The following HSPA4 variants were observed in gnomAD, a reference collection of about 807,000 sequenced individuals.
The protein encoded by HSPA4 is heat shock protein family A (Hsp70) member 4.
In HSPA4, 25 loss-of-function variants were observed where a neutral mutation model predicts 106.2. That is an observed-to-expected ratio of 0.24 (90% CI 0.17 to 0.33). The LOEUF (loss-of-function observed/expected upper bound fraction) is 0.33, where lower values mean the gene tolerates loss of function less well. HSPA4 is among the 10% of genes least tolerant of loss of function. The pLI is 1.00. For missense variants in HSPA4, 841 were observed against 996.0 expected (o/e 0.84, Z 2.10); for synonymous variants, 332 against 333.6 (o/e 1.00, Z 0.05).
At chr5:133,093,954 G>A (rs148603326) in intron 13 of HSPA4, among the ~76,000 whole-genome samples, 567 of 152,210 alleles carry the variant, frequency 3.7e-3, no homozygotes, top group Middle Eastern at 6.8e-3. Context: ...TTATCCCAGT[G>A]GGGTGGTACA....
chr5:133,060,931 TATTTA>T (rs1457428081), intron 1 of HSPA4, among the ~76,000 whole-genome samples: 1 of 151,582 alleles, frequency 6.6e-6, no homozygotes, highest in East Asian at 1.9e-4. Context: ...TTTTAAATTT[TATTTA>T]ATTTTAAATA....
intron 1 of HSPA4, among the ~76,000 whole-genome samples, chr5:133,056,888 C>CT (rs796180332): frequency 3.8e-4 from 58 of 150,976 alleles, no homozygotes; most frequent in East Asian, 1.7e-3. Flanking sequence ...TAACTTATAC[C>CT]TTTTTTTTTG....
rs2126714932 is a variant in HSPA4, at chr5:133,096,213, TAGAC to T, written c.1770_1773del (p.Asp590GlufsTer14). 2 of 1,613,962 alleles carry T rather than the reference TAGAC, an allele frequency of 1.2e-6. No homozygotes were observed. Among genetic ancestry groups the T allele is most frequent in the Non-Finnish European group, 1.7e-6 (2 of 1,179,884 alleles). On this transcript the variant is annotated frameshift_variant, in exon 14 of 19. Transcript: ENST00000304858. LOFTEE classifies it high-confidence loss of function. ...ATCGAGAATCAGCTATTATGGCAGA[TAGAC>T]AGAGAGATGCTCAACTTGTACATTG...
chr5:133,067,987 G>T (rs1035056760), intron 3 of HSPA4, among the ~76,000 whole-genome samples: 1 of 151,626 alleles, frequency 6.6e-6, no homozygotes, highest in Non-Finnish European at 1.5e-5. Context: ...CTGCCTCCTG[G>T]GTTCCAGCGA....
At chr5:133,063,540 C>T (rs992626321) in intron 1 of HSPA4, among the ~76,000 whole-genome samples, 3 of 151,842 alleles carry the variant, frequency 2.0e-5, no homozygotes, top group South Asian at 2.1e-4. Flanking sequence ...AAGTGATTCT[C>T]CTGCCTCAGC....
chr5:133,092,340 C>T (rs897596054), intron 12 of HSPA4, among the ~76,000 whole-genome samples: 2 of 152,134 alleles, frequency 1.3e-5, no homozygotes, highest in East Asian at 1.9e-4. Context: ...AGAGAAAATA[C>T]CTTTGAGGAA....
Position 133,076,806 on chromosome 5 carries a change from A to G in HSPA4, c.816A>G (p.Lys272=). The G allele has an allele frequency of 6.2e-7, 1 of 1,613,874 alleles. No individual in the cohort carries two copies. Among genetic ancestry groups the G allele is most frequent in the Non-Finnish European group, 8.5e-7 (1 of 1,179,816 alleles). ...ALLRLSQECE[K]LKKLMSANAS... is the part of the protein sequence containing the mutation. ...TACGACTCTCTCAGGAGTGTGAGAAACTCAAGAAATTGATGAGTGCAAATG... is the reference window on the plus strand; with the variant it reads ...TACGACTCTCTCAGGAGTGTGAGAAGCTCAAGAAATTGATGAGTGCAAATG... The change falls in exon 7 of 19, where the codon AAA becomes AAG. Residue 272 remains lysine, a synonymous_variant. Coordinates refer to ENST00000304858, the MANE Select transcript of HSPA4 (RefSeq NM_002154.4).
chr5:133,064,815 G>A (rs1447048953), intron 1 of HSPA4, among the ~76,000 whole-genome samples, 165 bp from the exon 2 acceptor site: 1 of 152,042 alleles, frequency 6.6e-6, no homozygotes, highest in Non-Finnish European at 1.5e-5. Context: ...GTTGTAAGAG[G>A]CAACCTGTTC....
At chr5:133,059,096 C>T (rs1765203552) in intron 1 of HSPA4, among the ~76,000 whole-genome samples, 1 of 150,388 alleles carries the variant, frequency 6.6e-6, no homozygotes, top group Admixed American at 6.6e-5. Context: ...CCACTGCACT[C>T]CAGCCTGGGT....
chr5:133,064,977 T>C lies in HSPA4; in HGVS notation c.108-3T>C. 6.2e-7 allele frequency: 1 copy of C among 1,613,538 alleles called. No homozygotes were observed. ...ATTCTTAAGTGCTTTTTTTGTCTTCTAGGGCTTGCATTTCTTTTGGTCCTA... is the reference window on the plus strand; with the variant it reads ...ATTCTTAAGTGCTTTTTTTGTCTTCCAGGGCTTGCATTTCTTTTGGTCCTA... On this transcript the variant is annotated splice_region_variant and splice_polypyrimidine_tract_variant and intron_variant, in intron 1 of 18. Coordinates refer to ENST00000304858, the MANE Select transcript of HSPA4 (RefSeq NM_002154.4).
intron 1 of HSPA4, among the ~76,000 whole-genome samples, chr5:133,060,083 A>C (rs1187294556): frequency 1.0e-5 from 1 of 99,698 alleles, no homozygotes. Flanking sequence ...TTTTTTTAGG[A>C]CTTACTAGAT....
chr5:133,068,402 G>A (rs1450363108), intron 3 of HSPA4, among the ~76,000 whole-genome samples: 1 of 151,560 alleles, frequency 6.6e-6, no homozygotes, highest in African/African-American at 2.4e-5. Context: ...TGCCTTTCTT[G>A]CACTCAGAGG....
intron 12 of HSPA4, among the ~76,000 whole-genome samples, chr5:133,091,774 C>A (rs981515389): frequency 6.6e-6 from 1 of 152,156 alleles, no homozygotes; most frequent in South Asian, 2.1e-4. Flanking sequence ...ACCTATGATT[C>A]CAGCACTTTG....
At chr5:133,070,763 G>A (rs1374531325) in intron 4 of HSPA4, among the ~76,000 whole-genome samples, 19 of 151,954 alleles carry the variant, frequency 1.3e-4, no homozygotes, top group Admixed American at 7.2e-4. Context: ...TTAGTTGGGC[G>A]TGGTGATGGG....
At chr5:133,071,975 T>C (rs144499470) in intron 4 of HSPA4, among the ~76,000 whole-genome samples, 1 of 152,316 alleles carries the variant, frequency 6.6e-6, no homozygotes, top group African/African-American at 2.4e-5. Flanking sequence ...CTCCCAGATT[T>C]GTTTCCATTC....
intron 1 of HSPA4, among the ~76,000 whole-genome samples, chr5:133,059,266 G>T (rs1439392008): frequency 6.6e-6 from 1 of 151,710 alleles, no homozygotes; most frequent in Non-Finnish European, 1.5e-5. Flanking sequence ...TGGCCAAGAT[G>T]GGGAAACCCT....
At chr5:133,097,966 A>G (rs1260250397) in intron 15 of HSPA4, among the ~76,000 whole-genome samples, 4 of 149,364 alleles carry the variant, frequency 2.7e-5, no homozygotes, top group Non-Finnish European at 4.4e-5. Context: ...TTTTGGTTAC[A>G]TGGATGAATT....
intron 16 of HSPA4, 151 bp downstream of exon 16, chr5:133,099,803 A>G (rs776326050): frequency 1.1e-5 from 5 of 439,158 alleles, no homozygotes; most frequent in African/African-American, 3.9e-5. Context: ...GCTCATTATC[A>G]TTCTCACTTT....
At chr5:133,056,453 G>A (rs1765166097) in intron 1 of HSPA4, among the ~76,000 whole-genome samples, 1 of 152,164 alleles carries the variant, frequency 6.6e-6, no homozygotes, top group Non-Finnish European at 1.5e-5. Context: ...TGTATTTTTA[G>A]GTAGACGTGG....
Sources: allele counts gnomAD v4.1 joint callset (sites outside exome capture counted in the v4.1 genomes callset), GRCh38; gene constraint gnomAD v4.1.1; transcripts MANE v1.5; gene names NCBI Gene and HGNC (gene_info 2026-07-23, HGNC 2026-07-21).